The following OSTN variants were observed in gnomAD, a reference collection of about 807,000 sequenced individuals.
OSTN encodes the protein osteocrin.
A neutral mutation model predicts 12.0 loss-of-function variants in OSTN; 9 were observed. The observed-to-expected ratio is 0.75, with a 90% CI of 0.45 to 1.30. The LOEUF (loss-of-function observed/expected upper bound fraction) is 1.30. Among genes scored for constraint, OSTN ranks in the 50% most tolerant of loss-of-function variants. The pLI, the probability that OSTN is intolerant of heterozygous loss-of-function variation, is 0.00. For synonymous variants in OSTN, 59 were observed against 56.9 expected (o/e 1.04, Z -0.16); for missense variants, 148 against 152.3 (o/e 0.97, Z 0.15).
chr3:191,241,311 T>C (rs560861382), intron 3 of OSTN, among the ~76,000 whole-genome samples: 25 of 151,580 alleles, frequency 1.6e-4, no homozygotes, highest in Admixed American at 9.9e-4. Flanking sequence ...ACCTACCGAG[T>C]AGATGGGAAT....
intron 3 of OSTN, among the ~76,000 whole-genome samples, chr3:191,233,663 G>A (rs1433037333): frequency 2.0e-5 from 3 of 152,076 alleles, no homozygotes; most frequent in African/African-American, 7.2e-5. Flanking sequence ...TTTTCTGGAA[G>A]AATAGTATCT....
rs914800057 is a variant in OSTN, at chr3:191,262,834, A to T, written c.*13-32A>T. On this transcript the variant is annotated intron_variant, in intron 4 of 4. Transcript: ENST00000682035. ...CCACCTGATCTACAGAGTTCTCATT[A>T]GCTTTAACAATCTCAACTTTCGTTT... The T allele has an allele frequency of 4.3e-6, 3 of 701,522 alleles. No homozygotes were observed. The African/African-American group carries it at 5.2e-5, about 12-fold the overall frequency. 43.5% of individuals were successfully genotyped at this position (701,522 alleles called of 1,614,324 possible).
At position 191,218,736 on chromosome 3, in the gene OSTN, C is replaced by A. The variant is rs866474828; in HGVS notation, c.103-11C>A. On this transcript the variant is annotated splice_polypyrimidine_tract_variant and intron_variant, in intron 2 of 4. Transcript: ENST00000682035. ...TCTAAATTAACGGAATCGCCTTTCT[C>A]TGCCTTATAGGCCTTTGATTCTGGA... The A allele has an allele frequency of 6.2e-7, 1 of 1,609,922 alleles. No individual in the cohort carries two copies. Among genetic ancestry groups the A allele is most frequent in the South Asian group, 1.1e-5 (1 of 90,850 alleles).
At chr3:191,250,488 A>G (rs1398721040) in intron 4 of OSTN, among the ~76,000 whole-genome samples, 1 of 152,206 alleles carries the variant, frequency 6.6e-6, no homozygotes, top group Non-Finnish European at 1.5e-5. Context: ...TTGCGTTATG[A>G]AGAAGACACA....
chr3:191,243,096 C>G (rs1715357175), intron 3 of OSTN, among the ~76,000 whole-genome samples: 1 of 152,016 alleles, frequency 6.6e-6, no homozygotes, highest in South Asian at 2.1e-4. Flanking sequence ...TAAATTAAAA[C>G]CACAGTGGGA....
At chr3:191,226,991 TA>T (rs1419834279) in intron 3 of OSTN, among the ~76,000 whole-genome samples, 1 of 151,870 alleles carries the variant, frequency 6.6e-6, no homozygotes, top group African/African-American at 2.4e-5. Flanking sequence ...AAAATTTGAA[TA>T]GAAAAAATAA....
chr3:191,227,583 AAAAAT>A (rs1714944425), intron 3 of OSTN, among the ~76,000 whole-genome samples: 1 of 152,180 alleles, frequency 6.6e-6, no homozygotes, highest in Non-Finnish European at 1.5e-5. Flanking sequence ...TTTTTATTTA[AAAAAT>A]AAAATTATAA....
At chr3:191,209,218 A>G (rs62288505) in intron 1 of OSTN, among the ~76,000 whole-genome samples, 16 of 152,216 alleles carry the variant, frequency 1.1e-4, no homozygotes, top group Admixed American at 5.2e-4. Context: ...AAATACAGAT[A>G]TGTTCTTAGT....
chr3:191,217,561 C>A (rs1398986349), intron 2 of OSTN, among the ~76,000 whole-genome samples: 1 of 152,112 alleles, frequency 6.6e-6, no homozygotes, highest in Non-Finnish European at 1.5e-5. Context: ...CAGAATGACT[C>A]AAGATTGTTA....
Position 191,263,592 on chromosome 3 carries a change from C to CA in OSTN, c.*742dup, listed in dbSNP as rs1715857348. The CA allele has an allele frequency of 6.6e-6, 1 of 152,106 alleles. No individual in the cohort carries two copies. The highest frequency in any genetic ancestry group is 1.5e-5 in the Non-Finnish European group (1 of 68,050). 9.4% of individuals were successfully genotyped at this position (152,106 alleles called of 1,614,324 possible). A position where few individuals can be genotyped will look rare whatever the true frequency, so the allele number is the denominator to read the frequency against. On this transcript the variant is annotated 3_prime_UTR_variant, in exon 5 of 5. Coordinates refer to ENST00000682035, the MANE Select transcript of OSTN (RefSeq NM_198184.2). The stretch of plus-strand genomic sequence containing the variant: ...GTAAAAATGAAAGTAGGAGGGAAGT[C>CA]AAAGAATTACCACCAGAACAGGTTA...
At chr3:191,219,068 T>G in intron 3 of OSTN, 107 bp downstream of exon 3, 1 of 995,342 alleles carries the variant, frequency 1.0e-6, no homozygotes, top group Non-Finnish European at 1.5e-6. Flanking sequence ...CTTGTATATA[T>G]AAACAGATTT....
At position 191,218,538 on chromosome 3, in the gene OSTN, G is replaced by T. The variant is rs188538088; in HGVS notation, c.103-209G>T. Among the ~76,000 whole-genome samples the T allele has an allele frequency of 2.0e-5, 3 of 152,142 alleles. No homozygotes were observed. The East Asian group carries it at 5.8e-4, about 29-fold the overall frequency. ...CTTGGGAAGCCGAAGCAGGAGAATTGCTTGAACCTGGGAAGTGGACATTGC... is the reference window on the plus strand; with the variant it reads ...CTTGGGAAGCCGAAGCAGGAGAATTTCTTGAACCTGGGAAGTGGACATTGC... On this transcript the variant is annotated intron_variant, in intron 2 of 4. Transcript: ENST00000682035.
chr3:191,226,033 G>A (rs1714901254), intron 3 of OSTN, among the ~76,000 whole-genome samples: 1 of 151,954 alleles, frequency 6.6e-6, no homozygotes, highest in African/African-American at 2.4e-5. Flanking sequence ...AAATAAATAA[G>A]AAAATTTTAG....
chr3:191,222,804 C>T (rs964517035), intron 3 of OSTN, among the ~76,000 whole-genome samples: 1 of 152,008 alleles, frequency 6.6e-6, no homozygotes, highest in Non-Finnish European at 1.5e-5. Context: ...GTAATTGAAT[C>T]ATGGGGGTGG....
intron 4 of OSTN, among the ~76,000 whole-genome samples, chr3:191,253,092 C>T (rs543518934): frequency 6.6e-6 from 1 of 152,298 alleles, no homozygotes; most frequent in South Asian, 2.1e-4. Context: ...CCCAAAAGGC[C>T]TTCTTGGTGC....
chr3:191,230,431 G>T (rs900765719), intron 3 of OSTN, among the ~76,000 whole-genome samples: 4 of 151,926 alleles, frequency 2.6e-5, no homozygotes, highest in African/African-American at 9.7e-5. Flanking sequence ...GGGCATGGTG[G>T]TGGGCGCCTG....
chr3:191,214,148 G>T (rs1468776178), intron 2 of OSTN, among the ~76,000 whole-genome samples: 1 of 152,070 alleles, frequency 6.6e-6, no homozygotes, highest in African/African-American at 2.4e-5. Context: ...GAGATTGGAG[G>T]TATCAAAGCA....
chr3:191,230,210 A>T (rs1434567205), intron 3 of OSTN, among the ~76,000 whole-genome samples: 1 of 152,142 alleles, frequency 6.6e-6, no homozygotes, highest in African/African-American at 2.4e-5. Context: ...CTGACAGGTT[A>T]AGTGGGATTA....
At chr3:191,246,732 G>A (rs964719681) in intron 3 of OSTN, among the ~76,000 whole-genome samples, 2 of 147,538 alleles carry the variant, frequency 1.4e-5, no homozygotes, top group Non-Finnish European at 1.5e-5. Context: ...AGAAGAAGAA[G>A]GAGGAGGAAG....
Sources: allele counts gnomAD v4.1 joint callset (sites outside exome capture counted in the v4.1 genomes callset), GRCh38; gene constraint gnomAD v4.1.1; transcripts MANE v1.5; gene names NCBI Gene and HGNC (gene_info 2026-07-23, HGNC 2026-07-21).